Variants in PLCXD3 observed in about 807,000 individuals in gnomAD.
PLCXD3 encodes the protein phosphatidylinositol specific phospholipase C X domain containing 3, also known as PI-PLC X domain-containing protein 3.
PLCXD3 carries 19 observed loss-of-function variants against 25.5 expected under a neutral mutation model. The observed-to-expected ratio is 0.75, with a 90% confidence interval of 0.52 to 1.09. The LOEUF (loss-of-function observed/expected upper bound fraction) is 1.09. PLCXD3 is among the 50% of genes least tolerant of loss of function. The probability of loss-of-function intolerance (pLI) is 0.00; values close to 1 mark genes in which losing one functional copy is unlikely to be tolerated. For synonymous variants in PLCXD3, 174 were observed against 137.6 expected (o/e 1.26, Z -1.85); for missense variants, 411 against 388.1 (o/e 1.06, Z -0.50).
At chr5:41,439,211 A>G (rs1461679125) in intron 1 of PLCXD3, among the ~76,000 whole-genome samples, 2 of 152,202 alleles carry the variant, frequency 1.3e-5, no homozygotes, top group African/African-American at 4.8e-5. Context: ...CCATAAAAAA[A>G]TAGAAGGTTT....
intron 2 of PLCXD3, among the ~76,000 whole-genome samples, chr5:41,368,572 T>C (rs1463889192): frequency 6.6e-6 from 1 of 152,166 alleles, no homozygotes; most frequent in African/African-American, 2.4e-5. Flanking sequence ...TCAAATACTA[T>C]GTTGAATAGG....
intron 1 of PLCXD3, among the ~76,000 whole-genome samples, chr5:41,500,817 A>G (rs922119053): frequency 6.6e-6 from 1 of 151,974 alleles, no homozygotes; most frequent in African/African-American, 2.4e-5. Flanking sequence ...ATATATGATA[A>G]GGGGTTAATT....
intron 2 of PLCXD3, among the ~76,000 whole-genome samples, chr5:41,379,899 T>A (rs141183943): frequency 2.1e-4 from 32 of 152,026 alleles, no homozygotes; most frequent in African/African-American, 7.7e-4. Flanking sequence ...GCAGAAATCA[T>A]AGAGAAAGTC....
At chr5:41,355,859 A>G (rs1744602804) in intron 2 of PLCXD3, among the ~76,000 whole-genome samples, 1 of 152,194 alleles carries the variant, frequency 6.6e-6, no homozygotes, top group African/African-American at 2.4e-5. Context: ...ACTTCTGCTC[A>G]CCACCATCAA....
Position 41,494,061 on chromosome 5 carries a change from T to C in PLCXD3, c.103+16363A>G, listed in dbSNP as rs193139535. Among the ~76,000 whole-genome samples, 100 of 152,308 alleles carry C rather than the reference T, an allele frequency of 6.6e-4. No homozygotes were observed. In the East Asian group the frequency reaches 0.015, roughly 23 times the overall value. On this transcript the variant is annotated intron_variant, in intron 1 of 2. Transcript: ENST00000377801. ...GCTGGGAGCTGTAGACCAGAGCTGT[T>C]CCTATTCAGCCATCTTGGCTCCCTC...
chr5:41,392,881 A>G (rs778552190), intron 1 of PLCXD3, among the ~76,000 whole-genome samples: 7 of 152,206 alleles, frequency 4.6e-5, no homozygotes, highest in Non-Finnish European at 8.8e-5. Flanking sequence ...AATTAAAAAG[A>G]ATCCAGCTGA....
intron 1 of PLCXD3, among the ~76,000 whole-genome samples, chr5:41,405,508 T>G (rs1746324773): frequency 6.6e-6 from 1 of 152,152 alleles, no homozygotes; most frequent in East Asian, 1.9e-4. Flanking sequence ...TCTGTCTTTA[T>G]ATCTTGCTGT....
intron 1 of PLCXD3, among the ~76,000 whole-genome samples, chr5:41,490,236 T>C (rs1231055003): frequency 1.3e-5 from 2 of 152,234 alleles, no homozygotes; most frequent in Admixed American, 1.3e-4. Context: ...CTGGATTACA[T>C]TTATTGATTT....
intron 1 of PLCXD3, among the ~76,000 whole-genome samples, chr5:41,416,911 T>A (rs1201709667): frequency 1.3e-5 from 2 of 152,220 alleles, no homozygotes; most frequent in South Asian, 4.1e-4. Context: ...CAACCAGGAA[T>A]GAGATACCAA....
At chr5:41,444,792 G>A (rs1306551603) in intron 1 of PLCXD3, among the ~76,000 whole-genome samples, 2 of 152,130 alleles carry the variant, frequency 1.3e-5, no homozygotes, top group Non-Finnish European at 1.5e-5. Context: ...GCAAAGCCGT[G>A]CCTAAGTTAT....
intron 2 of PLCXD3, among the ~76,000 whole-genome samples, chr5:41,353,802 A>G (rs1359586274): frequency 6.6e-6 from 1 of 152,202 alleles, no homozygotes; most frequent in Non-Finnish European, 1.5e-5. Flanking sequence ...GTGGTGTGGT[A>G]GAGACACGTT....
At chr5:41,342,991 C>T (rs995901816) in intron 2 of PLCXD3, among the ~76,000 whole-genome samples, 1 of 152,074 alleles carries the variant, frequency 6.6e-6, no homozygotes, top group Non-Finnish European at 1.5e-5. Flanking sequence ...AAATCAGCAG[C>T]TTCAAAAATC....
intron 1 of PLCXD3, among the ~76,000 whole-genome samples, chr5:41,411,791 T>C (rs1336553355): frequency 6.7e-6 from 1 of 150,198 alleles, no homozygotes; most frequent in East Asian, 1.9e-4. Flanking sequence ...TTTGGTCATA[T>C]AGAGTATTGA....
rs1242548382 is a variant in PLCXD3, at chr5:41,336,514, C to A, written c.813-22744G>T. The stretch of plus-strand genomic sequence containing the variant: ...TTCTGAGTGACTTCAAGGCAGGTGA[C>A]TGAACTCTATTCATTCAGGTATGTA... On this transcript the variant is annotated intron_variant, in intron 2 of 2. Coordinates refer to ENST00000377801, the MANE Select transcript of PLCXD3 (RefSeq NM_001005473.3). 3.9e-5 allele frequency among the ~76,000 whole-genome samples: 6 copies of A among 152,108 alleles called. No individual in the cohort carries two copies. In the South Asian group the frequency reaches 1.0e-3, roughly 26 times the overall value.
intron 1 of PLCXD3, among the ~76,000 whole-genome samples, chr5:41,399,250 G>T (rs1381833549): frequency 6.6e-6 from 1 of 152,100 alleles, no homozygotes; most frequent in Non-Finnish European, 1.5e-5. Context: ...AATCACTATT[G>T]TGAAAATACC....
intron 2 of PLCXD3, among the ~76,000 whole-genome samples, chr5:41,329,677 T>C (rs1399178679): frequency 6.6e-6 from 1 of 151,780 alleles, no homozygotes; most frequent in Non-Finnish European, 1.5e-5. Context: ...CCTTTCCTTG[T>C]GTTGTACATA....
intron 1 of PLCXD3, among the ~76,000 whole-genome samples, chr5:41,473,242 A>C (rs1748204897): frequency 6.6e-6 from 1 of 152,120 alleles, no homozygotes; most frequent in Admixed American, 6.5e-5. Flanking sequence ...GAGAAATTCT[A>C]ACATCTTGGG....
chr5:41,424,554 G>A (rs143184118), intron 1 of PLCXD3, among the ~76,000 whole-genome samples: 5 of 152,174 alleles, frequency 3.3e-5, no homozygotes, highest in East Asian at 3.9e-4. Context: ...AAAAAAATAG[G>A]TTGTGAATTT....
intron 1 of PLCXD3, among the ~76,000 whole-genome samples, chr5:41,505,362 G>A (rs1013509283): frequency 2.6e-5 from 4 of 152,116 alleles, no homozygotes; most frequent in Admixed American, 2.0e-4. Context: ...AATGAGATGT[G>A]ACTTGCAAAT....
Sources: allele counts gnomAD v4.1 joint callset (sites outside exome capture counted in the v4.1 genomes callset), GRCh38; gene constraint gnomAD v4.1.1; transcripts MANE v1.5; gene names NCBI Gene and HGNC (gene_info 2026-07-23, HGNC 2026-07-21).